The following TMEFF2 variants were observed in gnomAD, a reference collection of about 807,000 sequenced individuals.
TMEFF2 encodes the protein tomoregulin-2.
In TMEFF2, 28 loss-of-function variants were observed where a neutral mutation model predicts 53.8. The ratio of observed to expected loss-of-function variants is 0.52; its 90% confidence interval spans 0.39 to 0.71. TMEFF2 has a LOEUF of 0.71. TMEFF2 is among the 30% of genes least tolerant of loss of function. TMEFF2 has a pLI of 0.00. For missense variants in TMEFF2, 353 were observed against 455.2 expected, an observed-to-expected ratio of 0.78 and a Z score of 2.04; for synonymous variants, 162 against 166.3, an observed-to-expected ratio of 0.97 and a Z score of 0.20.
intron 4 of TMEFF2, among the ~76,000 whole-genome samples, chr2:192,061,900 A>G (rs1436891214): frequency 6.6e-6 from 1 of 152,086 alleles, no homozygotes; most frequent in African/African-American, 2.4e-5. Flanking sequence ...TGCTGCCACT[A>G]TGCATTCTGC....
At chr2:191,975,205 G>A (rs1444242088) in intron 7 of TMEFF2, among the ~76,000 whole-genome samples, 2 of 146,012 alleles carry the variant, frequency 1.4e-5, no homozygotes, top group Non-Finnish European at 3.0e-5. Flanking sequence ...TTTCTAGGTA[G>A]TAGAGATAAC....
intron 4 of TMEFF2, among the ~76,000 whole-genome samples, chr2:192,077,404 A>T (rs11902486): frequency 0.013 from 1,948 of 152,316 alleles, 49 homozygotes; most frequent in African/African-American, 0.044. Flanking sequence ...TTTCGATATG[A>T]AAAGGATTCA....
intron 4 of TMEFF2, among the ~76,000 whole-genome samples, chr2:192,115,573 C>T (rs942218148): frequency 6.6e-6 from 1 of 151,882 alleles, no homozygotes. Flanking sequence ...AAAATATTTG[C>T]CAGCCACGTA....
chr2:191,996,910 G>A (rs755394499), intron 7 of TMEFF2, among the ~76,000 whole-genome samples: 1 of 151,478 alleles, frequency 6.6e-6, no homozygotes, highest in Non-Finnish European at 1.5e-5. Context: ...AGTACTTGTG[G>A]GTTCAGTAAG....
chr2:191,982,000 A>G (rs537649263), intron 7 of TMEFF2, among the ~76,000 whole-genome samples: 1 of 152,144 alleles, frequency 6.6e-6, no homozygotes, highest in Non-Finnish European at 1.5e-5. Context: ...AAGTCACTTG[A>G]TACTGTCTGA....
chr2:192,011,304 A>G (rs1167054909), intron 5 of TMEFF2, among the ~76,000 whole-genome samples: 1 of 152,228 alleles, frequency 6.6e-6, no homozygotes, highest in East Asian at 1.9e-4. Context: ...TAATCCATTC[A>G]TTCACTCAAC....
At chr2:192,137,946 C>T (rs148418311) in intron 4 of TMEFF2, among the ~76,000 whole-genome samples, 1 of 151,926 alleles carries the variant, frequency 6.6e-6, no homozygotes, top group East Asian at 1.9e-4. Context: ...CCTGTAATCC[C>T]CTCCTGGGAT....
At chr2:192,069,986 GTGTATATATATATATATATATATATA>G (rs1248825064) in intron 4 of TMEFF2, among the ~76,000 whole-genome samples, 336 of 11,676 alleles carry the variant, frequency 0.029, 6 homozygotes, top group African/African-American at 0.043. Flanking sequence ...GTGTGTGTGT[GTGTATATATATATATATATATATATA>G]TATATATATA....
intron 7 of TMEFF2, among the ~76,000 whole-genome samples, chr2:191,996,174 CTT>C (rs1309113699): frequency 6.6e-6 from 1 of 151,880 alleles, no homozygotes; most frequent in Non-Finnish European, 1.5e-5. Flanking sequence ...ATATGAATGA[CTT>C]TGAGAGATCA....
chr2:192,060,774 T>C (rs982516589), intron 4 of TMEFF2, among the ~76,000 whole-genome samples: 55 of 152,196 alleles, frequency 3.6e-4, no homozygotes, highest in African/African-American at 1.3e-3. Context: ...ATAAAATTCA[T>C]TTATCTTAAA....
chr2:192,007,597 C>T (rs191107322), intron 5 of TMEFF2, among the ~76,000 whole-genome samples: 125 of 152,270 alleles, frequency 8.2e-4, no homozygotes, highest in Non-Finnish European at 1.3e-3. Flanking sequence ...CTGAACACAA[C>T]GCTCTAGACA....
chr2:192,059,434 G>A (rs758744764), intron 4 of TMEFF2, among the ~76,000 whole-genome samples: 2 of 152,132 alleles, frequency 1.3e-5, no homozygotes, highest in South Asian at 2.1e-4. Flanking sequence ...AGGGGAGACC[G>A]AACAGCTGAG....
At position 192,184,231 on chromosome 2, in the gene TMEFF2, C is replaced by G; in HGVS notation, c.412+123G>C. 9 of 1,263,120 alleles carry G rather than the reference C, an allele frequency of 7.1e-6. No homozygotes were observed. The South Asian group carries it at 1.3e-4, about 19-fold the overall frequency. The allele number at this position is 1,263,120 out of a possible 1,614,324, so 78.2% of individuals were successfully genotyped here. Reference sequence around the variant, plus strand: ...AGAATAACAAATGTTTTGAACAAAACAATACGGCTTGTCTAGTCAACATAT... The same window carrying G: ...AGAATAACAAATGTTTTGAACAAAAGAATACGGCTTGTCTAGTCAACATAT... On this transcript the variant is annotated intron_variant, in intron 3 of 9. Transcript: ENST00000272771.
intron 4 of TMEFF2, among the ~76,000 whole-genome samples, chr2:192,107,542 A>C (rs1268031551): frequency 1.3e-5 from 2 of 151,788 alleles, no homozygotes; most frequent in Non-Finnish European, 3.0e-5. Context: ...GTATTAGGAA[A>C]AAAATAGCTT....
At chr2:192,080,422 CT>C (rs1463564234) in intron 4 of TMEFF2, among the ~76,000 whole-genome samples, 1 of 152,200 alleles carries the variant, frequency 6.6e-6, no homozygotes, top group Non-Finnish European at 1.5e-5. Context: ...AAGGTGGCTG[CT>C]TCCCCTTTGC....
chr2:192,181,257 A>G (rs1280731926), intron 3 of TMEFF2, among the ~76,000 whole-genome samples: 1 of 151,748 alleles, frequency 6.6e-6, no homozygotes, highest in Non-Finnish European at 1.5e-5. Context: ...TTGTATTTGC[A>G]TTAATTTGAA....
At chr2:192,035,742 C>T (rs369762493) in intron 5 of TMEFF2, among the ~76,000 whole-genome samples, 96 of 152,314 alleles carry the variant, frequency 6.3e-4, no homozygotes, top group African/African-American at 2.3e-3. Context: ...CTGCATCACA[C>T]AACTTAACCT....
chr2:192,047,805 A>G (rs1687660641), intron 5 of TMEFF2, among the ~76,000 whole-genome samples: 1 of 152,226 alleles, frequency 6.6e-6, no homozygotes, highest in African/African-American at 2.4e-5. Flanking sequence ...TTGTAGGGAA[A>G]TGTGTCTGGA....
rs535517941 is a variant in TMEFF2 at position 192,163,894 on chromosome 2, C to T, written c.439+15774G>A. 6.6e-5 allele frequency among the ~76,000 whole-genome samples: 10 copies of T among 152,192 alleles called. No individual in the cohort carries two copies. In the South Asian group the frequency reaches 1.9e-3, roughly 28 times the overall value. ...TTGGCATGTAACATTTTTGTTCACA[C>T]CAATAACAATATAGAAAGGAATGGG... On this transcript the variant is annotated intron_variant, in intron 4 of 9. Transcript: ENST00000272771.
Sources: allele counts gnomAD v4.1 joint callset (sites outside exome capture counted in the v4.1 genomes callset), GRCh38; gene constraint gnomAD v4.1.1; transcripts MANE v1.5; gene names NCBI Gene and HGNC (gene_info 2026-07-23, HGNC 2026-07-21).